PCDHA11: variants seen among roughly 807,000 people sequenced by gnomAD.
PCDHA11 encodes protocadherin alpha 11.
Under a neutral mutation model 70.3 loss-of-function variants are expected in PCDHA11, and 61 were observed. The observed-to-expected ratio is 0.87, with a 90% CI of 0.71 to 1.07. The LOEUF (loss-of-function observed/expected upper bound fraction) is 1.07. Among genes scored for constraint, PCDHA11 ranks in the 50% least tolerant of loss-of-function variants. The probability of loss-of-function intolerance (pLI) is 0.00; values close to 1 mark genes in which losing one functional copy is unlikely to be tolerated. For missense variants in PCDHA11, 1,324 were observed against 1,237.5 expected (o/e 1.07, Z -1.05); for synonymous variants, 633 against 555.1 (o/e 1.14, Z -1.97).
At chr5:140,969,930 C>T (rs1200018667) in intron 1 of PCDHA11, among the ~76,000 whole-genome samples, 1 of 152,178 alleles carries the variant, frequency 6.6e-6, no homozygotes, top group Non-Finnish European at 1.5e-5. Flanking sequence ...AGTATTTAGA[C>T]ATCATACTGA....
At chr5:140,941,211 C>CTT (rs59928198) in intron 1 of PCDHA11, among the ~76,000 whole-genome samples, 19 of 129,722 alleles carry the variant, frequency 1.5e-4, no homozygotes, top group African/African-American at 5.2e-4. Flanking sequence ...TCCTTTCTTT[C>CTT]TTCCTTTCTT....
chr5:140,875,982 T>C (rs782696437), intron 1 of PCDHA11: 8 of 1,613,890 alleles, frequency 5.0e-6, no homozygotes, highest in Middle Eastern at 1.6e-4. Context: ...TTTTGACCTA[T>C]GCGTTAAGTC....
intron 1 of PCDHA11, among the ~76,000 whole-genome samples, chr5:140,890,939 G>A (rs1236920048): frequency 6.6e-6 from 1 of 152,106 alleles, no homozygotes; most frequent in Admixed American, 6.6e-5. Flanking sequence ...GTCCAAAGAT[G>A]CTGGTGAGGA....
intron 1 of PCDHA11, chr5:140,929,202 G>T (rs2085922750): frequency 1.2e-6 from 2 of 1,613,984 alleles, no homozygotes; most frequent in African/African-American, 1.3e-5. Context: ...ACAGTTTGCT[G>T]TTGCGTGGGG....
chr5:140,988,152 C>G (rs2153871090), intron 3 of PCDHA11, among the ~76,000 whole-genome samples: 1 of 152,258 alleles, frequency 6.6e-6, no homozygotes, highest in East Asian at 1.9e-4. Flanking sequence ...ACCTCAACTT[C>G]TGCCGTTGTC....
intron 1 of PCDHA11, among the ~76,000 whole-genome samples, chr5:140,921,264 T>C (rs2080129104): frequency 6.6e-6 from 1 of 152,210 alleles, no homozygotes; most frequent in Non-Finnish European, 1.5e-5. Flanking sequence ...CCTAGACTTT[T>C]ATACTTACTT....
At position 141,011,477 on chromosome 5, in the gene PCDHA11, T is replaced by C. The variant is rs1256394490; in HGVS notation, c.*1540T>C. 2 of 153,818 alleles carry C rather than the reference T, an allele frequency of 1.3e-5. No homozygotes were observed. Among genetic ancestry groups the C allele is most frequent in the Non-Finnish European group, 2.9e-5 (2 of 68,052 alleles). The allele number at this position is 153,818 out of a possible 1,614,324, so 9.5% of individuals were successfully genotyped here. ...TTTATTGTTGAATGTAATTCCATTA[T>C]ATTTCCTTTTGTACACCTGTGAAAA... On this transcript the variant is annotated 3_prime_UTR_variant, in exon 4 of 4. Transcript: ENST00000398640.
chr5:140,871,567 AT>A (rs1441824086), intron 1 of PCDHA11, 73 bp downstream of exon 1: 5 of 1,483,054 alleles, frequency 3.4e-6, no homozygotes, highest in African/African-American at 1.4e-5. Context: ...TTTTTCACGG[AT>A]TTTTTAAGGG....
chr5:140,918,786 A>T (rs2078853629), intron 1 of PCDHA11, among the ~76,000 whole-genome samples: 1 of 147,002 alleles, frequency 6.8e-6, no homozygotes, highest in African/African-American at 2.6e-5. Context: ...ATGTGAGGAC[A>T]CAGCAAAAAT....
At chr5:140,915,626 G>GTC (rs57920489) in intron 1 of PCDHA11, among the ~76,000 whole-genome samples, 4,335 of 146,228 alleles carry the variant, frequency 0.03, 91 homozygotes, top group African/African-American at 0.067. Flanking sequence ...GTCTCTTTCT[G>GTC]TCTCTCTCTC....
chr5:140,994,429 G>A (rs1474074265), intron 3 of PCDHA11, among the ~76,000 whole-genome samples: 1 of 152,110 alleles, frequency 6.6e-6, no homozygotes, highest in Non-Finnish European at 1.5e-5. Flanking sequence ...GAGGCCGGGC[G>A]CAGTGGCTCA....
chr5:140,892,580 A>G (rs1462175198), intron 1 of PCDHA11, among the ~76,000 whole-genome samples: 1 of 152,198 alleles, frequency 6.6e-6, no homozygotes, highest in African/African-American at 2.4e-5. Context: ...AGTATATCTC[A>G]GTATTCATTC....
At chr5:140,918,007 G>C (rs1313004826) in intron 1 of PCDHA11, among the ~76,000 whole-genome samples, 1 of 151,954 alleles carries the variant, frequency 6.6e-6, no homozygotes, top group Non-Finnish European at 1.5e-5. Context: ...TAACAATGTT[G>C]TTTCTTCCTA....
At chr5:140,973,782 C>CT (rs1461331270) in intron 1 of PCDHA11, among the ~76,000 whole-genome samples, 7 of 152,208 alleles carry the variant, frequency 4.6e-5, no homozygotes, top group African/African-American at 1.7e-4. Flanking sequence ...TATAGGTTGC[C>CT]TATTGGCATG....
chr5:140,871,406 T>A lies in PCDHA11; in HGVS notation c.2303T>A (p.Leu768His). 6.2e-7 allele frequency: 1 copy of A among 1,614,032 alleles called. No homozygotes were observed. Among genetic ancestry groups the A allele is most frequent in the African/African-American group, 1.3e-5 (1 of 75,054 alleles). ...CSEEGPPKTD[L>H]MAFSPSLPLG... ...GAGGAGGGCCCACCTAAGACGGACC[T>A]CATGGCCTTCAGCCCCAGTCTTCCT... Residue 768 changes from leucine (L) to histidine (H), a missense_variant, in exon 1 of 4, where the codon CTC becomes CAC. Leu to His is a moderately conservative substitution (Grantham distance 99). Coordinates refer to ENST00000398640, the MANE Select transcript of PCDHA11 (RefSeq NM_018902.5).
chr5:140,873,928 T>C (rs944678136), intron 1 of PCDHA11, among the ~76,000 whole-genome samples: 1 of 152,216 alleles, frequency 6.6e-6, no homozygotes, highest in Non-Finnish European at 1.5e-5. Flanking sequence ...CCCAAAGTGC[T>C]GGGATTACAG....
intron 1 of PCDHA11, among the ~76,000 whole-genome samples, chr5:140,941,693 G>C (rs2093147737): frequency 6.6e-6 from 1 of 151,900 alleles, no homozygotes; most frequent in South Asian, 2.1e-4. Flanking sequence ...TTACCTCTTT[G>C]GGCTTAGCTT....
In PCDHA11 at chr5:140,888,751, C is replaced by T. The variant is rs947840835; in HGVS notation, c.2391+17257C>T. On this transcript the variant is annotated intron_variant, in intron 1 of 3. Transcript: ENST00000398640. ...TTGTGAGCTCTAGGAATTATTCTAC[C>T]CACTTTTTTTTTTAATTTTGAAGGG... Among the ~76,000 whole-genome samples, 4 of 151,800 alleles carry T rather than the reference C, an allele frequency of 2.6e-5. No individual in the cohort carries two copies. The South Asian group carries it at 8.3e-4, about 32-fold the overall frequency.
intron 1 of PCDHA11, chr5:140,967,164 C>G (rs762120187): frequency 8.7e-6 from 14 of 1,611,226 alleles, no homozygotes; most frequent in Non-Finnish European, 1.2e-5. Flanking sequence ...GCGGTGAGCG[C>G]CGTTGAGGTG....
Sources: allele counts gnomAD v4.1 joint callset (sites outside exome capture counted in the v4.1 genomes callset), GRCh38; gene constraint gnomAD v4.1.1; transcripts MANE v1.5; gene names NCBI Gene and HGNC (gene_info 2026-07-23, HGNC 2026-07-21).